The following SNAP91 variants were observed in gnomAD, a reference collection of about 807,000 sequenced individuals.
The protein encoded by SNAP91 is clathrin coat assembly protein AP180.
In SNAP91, 27 loss-of-function variants were observed where a neutral mutation model predicts 100.3. The ratio of observed to expected loss-of-function variants is 0.27; its 90% CI spans 0.20 to 0.37. The LOEUF (loss-of-function observed/expected upper bound fraction) is 0.37. Ranked by LOEUF, SNAP91 falls within the 10% of genes least tolerant of loss-of-function variation. The pLI, the probability that SNAP91 is intolerant of heterozygous loss-of-function variation, is 1.00. For missense variants in SNAP91, 986 were observed against 1,123.7 expected (o/e 0.88, Z 1.75); for synonymous variants, 404 against 398.6 (o/e 1.01, Z -0.16).
At chr6:83,568,835 T>A (rs1473408555) in intron 26 of SNAP91, among the ~76,000 whole-genome samples, 1 of 152,146 alleles carries the variant, frequency 6.6e-6, no homozygotes, top group Non-Finnish European at 1.5e-5. Flanking sequence ...GACCTGTAGA[T>A]TACAAGGAAA....
At chr6:83,684,374 G>A (rs2099032668) in intron 2 of SNAP91, among the ~76,000 whole-genome samples, 1 of 152,048 alleles carries the variant, frequency 6.6e-6, no homozygotes, top group African/African-American at 2.4e-5. Context: ...CACACAACCT[G>A]CTTGCAAACA....
chr6:83,704,569 A>G (rs1312958646), intron 2 of SNAP91, among the ~76,000 whole-genome samples: 1 of 152,264 alleles, frequency 6.6e-6, no homozygotes, highest in Non-Finnish European at 1.5e-5. Context: ...AGTCACCATG[A>G]CTAACAATAA....
At chr6:83,567,156 T>C (rs1284342940) in intron 26 of SNAP91, among the ~76,000 whole-genome samples, 3 of 152,130 alleles carry the variant, frequency 2.0e-5, no homozygotes, top group Non-Finnish European at 2.9e-5. Flanking sequence ...CAGGCTAGCC[T>C]CAAATTCCTG....
At chr6:83,679,636 G>GATT (rs1479598149) in intron 2 of SNAP91, among the ~76,000 whole-genome samples, 2 of 152,220 alleles carry the variant, frequency 1.3e-5, no homozygotes, top group Admixed American at 1.3e-4. Flanking sequence ...GTAGAAAAAT[G>GATT]AATGAAGTTC....
At chr6:83,610,386 T>TGAGG (rs1283505886) in intron 12 of SNAP91, among the ~76,000 whole-genome samples, 4 of 151,626 alleles carry the variant, frequency 2.6e-5, no homozygotes, top group Admixed American at 2.0e-4. Context: ...CTCACATATA[T>TGAGG]GAGGTTCCTA....
chr6:83,612,846 G>A (rs1236782787), intron 11 of SNAP91, among the ~76,000 whole-genome samples: 5 of 138,868 alleles, frequency 3.6e-5, no homozygotes, highest in East Asian at 2.2e-4. Flanking sequence ...AGCCGAGATC[G>A]CACCACCGCA....
At chr6:83,612,886 C>T (rs1353371528) in intron 11 of SNAP91, among the ~76,000 whole-genome samples, 2 of 102,570 alleles carry the variant, frequency 1.9e-5, no homozygotes, top group Admixed American at 1.1e-4. Flanking sequence ...CAGAGCGAGA[C>T]TCAGTCTCAA....
At chr6:83,657,431 A>G (rs774697539) in intron 6 of SNAP91, among the ~76,000 whole-genome samples, 8 of 152,196 alleles carry the variant, frequency 5.3e-5, no homozygotes, top group Non-Finnish European at 1.0e-4. Context: ...TTAAGACAGA[A>G]CCCTTACTAA....
intron 2 of SNAP91, among the ~76,000 whole-genome samples, chr6:83,668,694 G>C (rs2098731276): frequency 6.6e-6 from 1 of 152,048 alleles, no homozygotes; most frequent in South Asian, 2.1e-4. Context: ...GTAGGGGAAG[G>C]GGGAGGGATA....
At chr6:83,608,573 A>G (rs1206053160) in intron 12 of SNAP91, among the ~76,000 whole-genome samples, 1 of 152,146 alleles carries the variant, frequency 6.6e-6, no homozygotes, top group East Asian at 1.9e-4. Context: ...GTTAGTGGAG[A>G]TGAGACATAA....
Position 83,662,372 on chromosome 6 carries a change from A to T in SNAP91, c.324T>A (p.Asn108Lys). Reference sequence around the variant, plus strand: ...CATGGGATCCACTTTTGTCCAAAAAATTGCTGAGATTGAATAGTGTATTTC... The same window carrying T: ...CATGGGATCCACTTTTGTCCAAAAATTTGCTGAGATTGAATAGTGTATTTC... Reference protein sequence around the residue: ...ASRNTLFNLSNFLDKSGSHGY... With the variant: ...ASRNTLFNLSKFLDKSGSHGY... The change falls in exon 4 of 30, where the codon AAT (asparagine) becomes AAA (lysine). Residue 108 changes from asparagine to lysine, a missense_variant. Transcript: ENST00000369694. 7.0e-7 allele frequency: 1 copy of T among 1,437,242 alleles called. No individual in the cohort carries two copies. Among genetic ancestry groups the T allele is most frequent in the Non-Finnish European group, 9.3e-7 (1 of 1,079,918 alleles). 89.0% of individuals were successfully genotyped at this position (1,437,242 alleles called of 1,614,324 possible). A position where few individuals can be genotyped will look rare whatever the true frequency, so the allele number is the denominator to read the frequency against.
At chr6:83,572,304 T>C (rs1371869625) in intron 26 of SNAP91, among the ~76,000 whole-genome samples, 2 of 152,188 alleles carry the variant, frequency 1.3e-5, no homozygotes, top group African/African-American at 4.8e-5. Flanking sequence ...TGGAGTGTAG[T>C]AGCACAATCT....
intron 1 of SNAP91, chr6:83,708,400 G>C (rs1454206346): frequency 1.9e-5 from 3 of 157,766 alleles, no homozygotes; most frequent in Non-Finnish European, 4.1e-5. Flanking sequence ...GCAGGCTTCG[G>C]GGAATGCATC....
chr6:83,574,844 AAGAATGGAGGGCAGCCCCCTGGGCTGG>A (rs71545874), intron 26 of SNAP91, among the ~76,000 whole-genome samples, 139 bp downstream of exon 26: 26,727 of 152,038 alleles, frequency 0.18, 2,981 homozygotes, highest in South Asian at 0.27. Context: ...TTTCATACCT[AAGAATGGAGGGCAGCCCCCTGGGCTGG>A]AGTGCTACTT....
At chr6:83,707,185 A>G (rs1430232221) in intron 2 of SNAP91, among the ~76,000 whole-genome samples, 1 of 152,092 alleles carries the variant, frequency 6.6e-6, no homozygotes, top group Non-Finnish European at 1.5e-5. Flanking sequence ...TGTAAAATGA[A>G]ATTGCCATAG....
chr6:83,583,344 T>C (rs986814456), intron 22 of SNAP91, among the ~76,000 whole-genome samples: 11 of 152,200 alleles, frequency 7.2e-5, no homozygotes, highest in Non-Finnish European at 1.5e-4. Context: ...TTCATGTTTT[T>C]TCCACTAATA....
intron 29 of SNAP91, among the ~76,000 whole-genome samples, chr6:83,555,325 T>C (rs1028359210): frequency 5.3e-5 from 8 of 152,192 alleles, no homozygotes; most frequent in Admixed American, 4.6e-4. Context: ...AAAACAACAT[T>C]GGACAAGAGT....
chr6:83,567,444 A>G (rs954051768), intron 26 of SNAP91, among the ~76,000 whole-genome samples: 1 of 152,212 alleles, frequency 6.6e-6, no homozygotes, highest in African/African-American at 2.4e-5. Context: ...GGCATGGGCA[A>G]GGACTTCATG....
At chr6:83,624,169 G>A (rs1258600353) in intron 8 of SNAP91, among the ~76,000 whole-genome samples, 1 of 151,998 alleles carries the variant, frequency 6.6e-6, no homozygotes, top group Non-Finnish European at 1.5e-5. Context: ...CATGGGGATA[G>A]GGGCAGAGAA....
Sources: gnomAD v4.1 joint callset for allele counts (sites outside exome capture counted in the v4.1 genomes callset) on GRCh38, gnomAD v4.1.1 for gene constraint, MANE v1.5 for transcripts, NCBI Gene and HGNC (gene_info 2026-07-23, HGNC 2026-07-21) for gene names.